The following PEX13 variants were observed in gnomAD, a reference collection of about 807,000 sequenced individuals.
The protein encoded by PEX13 is peroxisome biogenesis factor 13.
PEX13 carries 28 observed loss-of-function variants against 34.5 expected under a neutral mutation model. The ratio of observed to expected loss-of-function variants is 0.81; its 90% CI spans 0.60 to 1.11. PEX13 has a LOEUF of 1.11. Among genes scored for constraint, PEX13 ranks in the 50% most tolerant of loss-of-function variants. PEX13 has a pLI of 0.00. For synonymous variants in PEX13, 177 were observed against 175.1 expected (o/e 1.01, Z -0.09); for missense variants, 550 against 491.0 (o/e 1.12, Z -1.13).
chr2:61,028,706 G>GA (rs1317120423), intron 1 of PEX13, among the ~76,000 whole-genome samples: 2 of 151,808 alleles, frequency 1.3e-5, no homozygotes, highest in African/African-American at 4.8e-5. Flanking sequence ...GACATTTCTA[G>GA]AAAAAAACTG....
At position 61,048,527 on chromosome 2, in the gene PEX13, A is replaced by G. The variant is rs1360885626; in HGVS notation, c.969A>G (p.Thr323=). 2 of 1,614,158 alleles carry G rather than the reference A, an allele frequency of 1.2e-6. No homozygotes were observed. Among genetic ancestry groups the G allele is most frequent in the Admixed American group, 3.3e-5 (2 of 60,030 alleles). Residue 323 remains threonine, a synonymous_variant, in exon 4 of 4, where the codon ACA becomes ACG. Transcript: ENST00000295030. ...TGGCTAGCCTTGATGGCCAAACAAC[A>G]GGACTTATACCTGCGAATTATGTCA... The part of the protein sequence containing the change: ...WLLASLDGQT[T]GLIPANYVKI...
chr2:61,048,304 G>T (rs1286277622), intron 3 of PEX13, among the ~76,000 whole-genome samples, 168 bp from the exon 4 acceptor site: 2 of 152,150 alleles, frequency 1.3e-5, no homozygotes, highest in African/African-American at 4.8e-5. Flanking sequence ...ATGGACCCTA[G>T]AACTGTTAAG....
intron 1 of PEX13, among the ~76,000 whole-genome samples, chr2:61,021,970 G>C (rs1680271746): frequency 6.6e-6 from 1 of 152,152 alleles, no homozygotes; most frequent in African/African-American, 2.4e-5. Context: ...AGACAGAAAG[G>C]AATAGCTTCA....
At chr2:61,037,189 C>T (rs1270131730) in intron 2 of PEX13, among the ~76,000 whole-genome samples, 3 of 152,124 alleles carry the variant, frequency 2.0e-5, no homozygotes, top group African/African-American at 7.2e-5. Context: ...ACTTTAACAG[C>T]CCACTGTCAA....
chr2:61,047,158 C>CT (rs1166946757), intron 3 of PEX13, among the ~76,000 whole-genome samples: 40 of 148,084 alleles, frequency 2.7e-4, no homozygotes, highest in South Asian at 8.5e-4. Flanking sequence ...ATTTTTCTTT[C>CT]TTTTTTTTTT....
intron 1 of PEX13, among the ~76,000 whole-genome samples, chr2:61,026,279 C>T (rs1354092797): frequency 6.6e-6 from 1 of 151,728 alleles, no homozygotes; most frequent in Non-Finnish European, 1.5e-5. Context: ...TGTACAGCAG[C>T]TAATTTTCTT....
intron 2 of PEX13, among the ~76,000 whole-genome samples, chr2:61,034,725 C>T (rs1457965417): frequency 6.6e-6 from 1 of 152,238 alleles, no homozygotes; most frequent in Non-Finnish European, 1.5e-5. Flanking sequence ...AGTCTGAGAT[C>T]AACCAGCAAC....
At chr2:61,047,910 A>G (rs548342259) in intron 3 of PEX13, among the ~76,000 whole-genome samples, 7 of 152,210 alleles carry the variant, frequency 4.6e-5, no homozygotes, top group Non-Finnish European at 8.8e-5. Context: ...AGCTTAGAGT[A>G]TTGCCTTTAT....
At chr2:61,025,263 G>A (rs942925256) in intron 1 of PEX13, among the ~76,000 whole-genome samples, 1 of 151,764 alleles carries the variant, frequency 6.6e-6, no homozygotes, top group Admixed American at 6.6e-5. Flanking sequence ...TAGAGACGGG[G>A]TTTCACCATC....
chr2:61,045,980 C>G, intron 3 of PEX13, 129 bp downstream of exon 3: 1 of 818,410 alleles, frequency 1.2e-6, no homozygotes, highest in Non-Finnish European at 2.0e-6. Flanking sequence ...ACTTCTTTTT[C>G]ATGTCAATTT....
At chr2:61,023,787 T>TTTTG (rs34837651) in intron 1 of PEX13, among the ~76,000 whole-genome samples, 13,664 of 148,884 alleles carry the variant, frequency 0.092, 1,153 homozygotes, top group East Asian at 0.4. Context: ...CTGTCTTTTG[T>TTTTG]TTTGTTTGTT....
In PEX13 at chr2:61,051,904, G is replaced by A. The variant is rs1680805357; in HGVS notation, c.*3134G>A. 6.6e-6 allele frequency: 1 copy of A among 152,192 alleles called. No homozygotes were observed. The highest frequency in any genetic ancestry group is 1.5e-5 in the Non-Finnish European group (1 of 68,006). The allele number at this position is 152,192 out of a possible 1,614,324, so 9.4% of individuals were successfully genotyped here. ...CTTGTGCTTTCTTTAATAGAAAAATGAACAGAAACTGAATGCAGTTAAATT... is the reference window on the plus strand; with the variant it reads ...CTTGTGCTTTCTTTAATAGAAAAATAAACAGAAACTGAATGCAGTTAAATT... On this transcript the variant is annotated 3_prime_UTR_variant, in exon 4 of 4. Coordinates refer to ENST00000295030, the MANE Select transcript of PEX13 (RefSeq NM_002618.4).
chr2:61,018,215 G>A, intron 1 of PEX13: 3 of 1,550,982 alleles, frequency 1.9e-6, no homozygotes, highest in Non-Finnish European at 2.6e-6. Context: ...GTTGAGAGCG[G>A]CATTTGTCCA....
At chr2:61,037,334 A>G (rs141305626) in intron 2 of PEX13, among the ~76,000 whole-genome samples, 3,850 of 152,304 alleles carry the variant, frequency 0.025, 142 homozygotes, top group African/African-American at 0.087. Flanking sequence ...TCAGCACCAC[A>G]TCACACATAT....
intron 2 of PEX13, among the ~76,000 whole-genome samples, chr2:61,033,503 G>A (rs956873835): frequency 3.9e-5 from 6 of 152,178 alleles, no homozygotes; most frequent in African/African-American, 1.4e-4. Context: ...TAGGGATATA[G>A]CAATGAATAA....
chr2:61,026,370 A>T (rs1379284394), intron 1 of PEX13, among the ~76,000 whole-genome samples: 4 of 117,510 alleles, frequency 3.4e-5, no homozygotes, highest in African/African-American at 6.8e-5. Flanking sequence ...TTTGAGACGG[A>T]GTCTCACTCT....
Position 61,031,604 on chromosome 2 carries a change from A to G in PEX13, c.278A>G (p.Tyr93Cys), listed in dbSNP as rs200211896. The change falls in exon 2 of 4, where the codon TAT becomes TGT. Residue 93 changes from tyrosine to cysteine, a missense_variant. Coordinates refer to ENST00000295030, the MANE Select transcript of PEX13 (RefSeq NM_002618.4). Reference protein sequence around the residue: ...GAYGNSFYGGYSPYSYGYNGL... With the variant: ...GAYGNSFYGGCSPYSYGYNGL... ...TATGGAAATTCATTTTATGGAGGCTATAGTCCTTATAGTTATGGATATAAT... is the reference window on the plus strand; with the variant it reads ...TATGGAAATTCATTTTATGGAGGCTGTAGTCCTTATAGTTATGGATATAAT... The G allele has an allele frequency of 3.5e-5, 57 of 1,614,054 alleles. 1 individual carries two copies. Among genetic ancestry groups the G allele is most frequent in the Admixed American group, 3.5e-4 (21 of 59,998 alleles).
intron 2 of PEX13, among the ~76,000 whole-genome samples, chr2:61,042,534 C>T (rs1406058448): frequency 6.6e-6 from 1 of 152,070 alleles, no homozygotes; most frequent in Admixed American, 6.6e-5. Flanking sequence ...TACAATGACA[C>T]TATAGCTATG....
chr2:61,022,551 A>ATT (rs1204539021), intron 1 of PEX13, among the ~76,000 whole-genome samples: 1 of 152,158 alleles, frequency 6.6e-6, no homozygotes, highest in Non-Finnish European at 1.5e-5. Flanking sequence ...ATTAGTCTTG[A>ATT]TTTTTTTCTG....
Sources: gnomAD v4.1 joint callset for allele counts (sites outside exome capture counted in the v4.1 genomes callset) on GRCh38, gnomAD v4.1.1 for gene constraint, MANE v1.5 for transcripts, NCBI Gene and HGNC (gene_info 2026-07-23, HGNC 2026-07-21) for gene names.